Variants in CLVS1 observed in about 807,000 individuals in gnomAD.
CLVS1 encodes the protein clavesin 1.
CLVS1 carries 10 observed loss-of-function variants against 33.1 expected under a neutral mutation model. The ratio of observed to expected loss-of-function variants is 0.30; its 90% CI spans 0.19 to 0.51. The LOEUF (loss-of-function observed/expected upper bound fraction) is 0.51, where lower values mean the gene tolerates loss of function less well. CLVS1 is among the 20% of genes least tolerant of loss of function. CLVS1 has a pLI of 0.97. For missense variants in CLVS1, 343 were observed against 433.4 expected, an observed-to-expected ratio of 0.79 and a Z score of 1.85; for synonymous variants, 163 against 166.1, an observed-to-expected ratio of 0.98 and a Z score of 0.14.
At chr8:61,014,160 G>A in the CLVS1 span, among the ~76,000 whole-genome samples, 1 of 150,640 alleles carries the variant, frequency 6.6e-6, no homozygotes, top group African/African-American at 2.5e-5. Flanking sequence ...CATCCAGGGA[G>A]CATGGAGGTT....
At chr8:61,447,368 A>T (rs919835272) in intron 3 of CLVS1, among the ~76,000 whole-genome samples, 2 of 151,966 alleles carry the variant, frequency 1.3e-5, no homozygotes, top group African/African-American at 2.4e-5. Flanking sequence ...TAGATCATTT[A>T]TATTTAAATT....
chr8:61,290,867 T>C lies in CLVS1; in HGVS notation c.-152+2729T>C, dbSNP rs2129593803. Among the ~76,000 whole-genome samples, 3 of 152,340 alleles carry C rather than the reference T, an allele frequency of 2.0e-5. No individual in the cohort carries two copies. In the Middle Eastern group the frequency reaches 0.01, roughly 518 times the overall value. ...AACCTTCTCCCAAATATTGCTTGTT[T>C]TGATTATTGTTAATTTTATCCAGAT... On this transcript the variant is annotated intron_variant, in intron 1 of 5. Transcript: ENST00000325897.
chr8:61,273,427 G>T (rs866675753), intron 2 of CLVS1, among the ~76,000 whole-genome samples: 2 of 152,302 alleles, frequency 1.3e-5, no homozygotes, highest in East Asian at 3.9e-4. Context: ...GTCTGCAGAG[G>T]TTACTGCTGT....
chr8:61,005,102 C>T, the CLVS1 span, among the ~76,000 whole-genome samples: 5 of 152,194 alleles, frequency 3.3e-5, no homozygotes, highest in African/African-American at 1.2e-4. Context: ...TAGAAAACTG[C>T]CCGATAGGGG....
chr8:61,149,815 A>G (rs557072762), intron 2 of CLVS1, among the ~76,000 whole-genome samples: 1 of 152,314 alleles, frequency 6.6e-6, no homozygotes, highest in Admixed American at 6.5e-5. Flanking sequence ...AATAGATTCA[A>G]TGACCCCTAC....
intron 1 of CLVS1, among the ~76,000 whole-genome samples, chr8:61,297,596 G>A (rs1810263893): frequency 6.6e-6 from 1 of 152,162 alleles, no homozygotes; most frequent in African/African-American, 2.4e-5. Flanking sequence ...GATCGAGTTT[G>A]TGTTGTCTGT....
chr8:61,484,293 C>G (rs914752391), intron 5 of CLVS1, among the ~76,000 whole-genome samples: 2 of 152,202 alleles, frequency 1.3e-5, no homozygotes, highest in South Asian at 4.2e-4. Context: ...TTCCTGTACA[C>G]CAATAACAGA....
chr8:61,191,055 G>A (rs1442929418), intron 2 of CLVS1, among the ~76,000 whole-genome samples: 1 of 152,130 alleles, frequency 6.6e-6, no homozygotes, highest in Non-Finnish European at 1.5e-5. Flanking sequence ...ACCAAAGCCT[G>A]GCAGAGACAC....
chr8:61,029,822 G>T, the CLVS1 span, among the ~76,000 whole-genome samples: 1 of 152,092 alleles, frequency 6.6e-6, no homozygotes, highest in Non-Finnish European at 1.5e-5. Flanking sequence ...AAAATGGGAG[G>T]TACACAACAA....
At chr8:61,477,137 C>G (rs138884343) in intron 5 of CLVS1, among the ~76,000 whole-genome samples, 4 of 152,130 alleles carry the variant, frequency 2.6e-5, no homozygotes, top group Non-Finnish European at 2.9e-5. Flanking sequence ...TTGCATCCCA[C>G]GGATGAAGCA....
chr8:61,084,707 G>C (rs566823979), intron 1 of CLVS1, among the ~76,000 whole-genome samples: 8 of 152,278 alleles, frequency 5.3e-5, no homozygotes, highest in African/African-American at 1.9e-4. Context: ...AGATTGTCTT[G>C]GGATGTGTAA....
intron 3 of CLVS1, among the ~76,000 whole-genome samples, chr8:61,394,649 C>A (rs1386316314): frequency 1.3e-5 from 2 of 152,296 alleles, no homozygotes; most frequent in South Asian, 2.1e-4. Flanking sequence ...AGCTCCCATG[C>A]AGCCAGCGAG....
chr8:61,008,250 G>A, the CLVS1 span, among the ~76,000 whole-genome samples: 1 of 151,690 alleles, frequency 6.6e-6, no homozygotes, highest in Non-Finnish European at 1.5e-5. Context: ...ACAATAATAT[G>A]GCACCCAAAT....
intron 3 of CLVS1, among the ~76,000 whole-genome samples, chr8:61,407,308 G>A (rs1815032298): frequency 6.6e-6 from 1 of 152,184 alleles, no homozygotes; most frequent in Admixed American, 6.5e-5. Context: ...GAGGACATGT[G>A]TTCAAGAAGG....
At position 61,240,894 on chromosome 8, in the gene CLVS1, G is replaced by GTTTTTTTTTTTT. The variant is rs549955338; in HGVS notation, c.-151-58777_-151-58766dup. Reference sequence around the variant, plus strand: ...CTAAAATGAATGATGTTTGCTGTAGGTTTTTTTTTTTTTTTTTAAAATAGA... The same window carrying GTTTTTTTTTTTT: ...CTAAAATGAATGATGTTTGCTGTAGGTTTTTTTTTTTTTTTTTTTTTTTTTTTTTAAAATAGA... On this transcript the variant is annotated intron_variant, in intron 2 of 2. Transcript: ENST00000522621. 2.6e-3 allele frequency among the ~76,000 whole-genome samples: 339 copies of GTTTTTTTTTTTT among 130,526 alleles called. 5 individuals carry two copies. Among genetic ancestry groups the GTTTTTTTTTTTT allele is most frequent in the African/African-American group, 8.3e-3 (261 of 31,478 alleles). The allele number at this position is 130,526 out of a possible 152,430, so 85.6% of individuals were successfully genotyped here.
At chr8:61,063,852 G>A (rs951089576) in intron 1 of CLVS1, among the ~76,000 whole-genome samples, 6 of 152,056 alleles carry the variant, frequency 3.9e-5, no homozygotes, top group Admixed American at 3.3e-4. Context: ...TCCCTAGTAG[G>A]AACTCTGTAC....
chr8:61,378,062 C>T (rs1170056049), intron 3 of CLVS1: 2 of 152,218 alleles, frequency 1.3e-5, no homozygotes, highest in South Asian at 2.1e-4. Flanking sequence ...AACATCTGAT[C>T]TCTCTCTCTT....
intron 2 of CLVS1, among the ~76,000 whole-genome samples, chr8:61,202,033 A>G (rs1807743392): frequency 6.6e-6 from 1 of 152,198 alleles, no homozygotes; most frequent in African/African-American, 2.4e-5. Flanking sequence ...AACTTTTTAA[A>G]AGAGGCAAAG....
intron 5 of CLVS1, chr8:61,464,744 G>C (rs973323065): frequency 6.6e-6 from 1 of 152,282 alleles, no homozygotes; most frequent in Non-Finnish European, 1.5e-5. Context: ...TGGCCACAAG[G>C]ATGTCCTGCC....
Sources: allele counts gnomAD v4.1 joint callset (sites outside exome capture counted in the v4.1 genomes callset), GRCh38; gene constraint gnomAD v4.1.1; transcripts MANE v1.5; gene names NCBI Gene and HGNC (gene_info 2026-07-23, HGNC 2026-07-21).